Variants in KCNH1 observed in about 807,000 individuals in gnomAD.
KCNH1 encodes the protein voltage-gated delayed rectifier potassium channel KCNH1.
A neutral mutation model predicts 69.2 loss-of-function variants in KCNH1; 27 were observed. The observed-to-expected ratio is 0.39, with a 90% CI of 0.29 to 0.54. KCNH1 has a LOEUF of 0.54. Ranked by LOEUF, KCNH1 falls within the 20% of genes least tolerant of loss-of-function variation. The probability of loss-of-function intolerance (pLI) is 0.68; values close to 1 mark genes in which losing one functional copy is unlikely to be tolerated. For synonymous variants in KCNH1, 456 were observed against 487.7 expected (o/e 0.93, Z 0.86); for missense variants, 798 against 1,261.6 (o/e 0.63, Z 5.57).
chr1:210,868,424 A>G (rs1373547416), intron 7 of KCNH1, among the ~76,000 whole-genome samples: 1 of 116 alleles, frequency 8.6e-3, no homozygotes, highest in Non-Finnish European at 0.018. Context: ...AGTCTAATGT[A>G]TAATTTTTTC....
intron 10 of KCNH1, among the ~76,000 whole-genome samples, chr1:210,734,752 G>A (rs1682832092): frequency 1.3e-5 from 2 of 151,996 alleles, no homozygotes; most frequent in African/African-American, 4.8e-5. Context: ...CCTGCTCATG[G>A]GGCTTCCTAG....
At chr1:210,859,221 C>A (rs1341145760) in intron 7 of KCNH1, 17 of 1,612,310 alleles carry the variant, frequency 1.1e-5, no homozygotes, top group Non-Finnish European at 1.4e-5. Flanking sequence ...GAACTTGGCA[C>A]AACTGGAGCA....
At chr1:210,786,744 C>A (rs1684112041) in intron 9 of KCNH1, among the ~76,000 whole-genome samples, 1 of 152,216 alleles carries the variant, frequency 6.6e-6, no homozygotes, top group African/African-American at 2.4e-5. Flanking sequence ...GTCCTCCTTC[C>A]TGGGAAACCT....
At chr1:210,937,119 C>T (rs1687787531) in intron 6 of KCNH1, among the ~76,000 whole-genome samples, 1 of 152,182 alleles carries the variant, frequency 6.6e-6, no homozygotes, top group Admixed American at 6.6e-5. Context: ...ATATTCCTTC[C>T]TAAAACTATA....
At chr1:210,915,320 C>G (rs115710177) in intron 7 of KCNH1, among the ~76,000 whole-genome samples, 1,755 of 152,274 alleles carry the variant, frequency 0.012, 38 homozygotes, top group African/African-American at 0.04. Context: ...TCACCAAATC[C>G]TCAGCACTTA....
chr1:210,960,415 C>T (rs1307051808), intron 6 of KCNH1, among the ~76,000 whole-genome samples: 2 of 152,184 alleles, frequency 1.3e-5, no homozygotes, highest in Admixed American at 1.3e-4. Context: ...AATCTCCCAT[C>T]CTTCAGCATG....
Position 210,812,199 on chromosome 1 carries a change from T to C in KCNH1, c.1463-8033A>G, listed in dbSNP as rs181766003. On this transcript the variant is annotated intron_variant, in intron 7 of 10. Transcript: ENST00000271751. ...CAGCCAAGGCTGATTGGATTATTCATTGATCACCTTTTCTGGAATAAGGAT... is the reference window on the plus strand; with the variant it reads ...CAGCCAAGGCTGATTGGATTATTCACTGATCACCTTTTCTGGAATAAGGAT... 1.4e-4 allele frequency among the ~76,000 whole-genome samples: 21 copies of C among 152,316 alleles called. No homozygotes were observed. The East Asian group carries it at 3.7e-3, about 27-fold the overall frequency.
At chr1:210,940,094 G>C (rs2102586718) in intron 6 of KCNH1, among the ~76,000 whole-genome samples, 1 of 152,230 alleles carries the variant, frequency 6.6e-6, no homozygotes, top group South Asian at 2.1e-4. Flanking sequence ...GGAATAAATT[G>C]GCTTATCAGA....
intron 6 of KCNH1, among the ~76,000 whole-genome samples, chr1:210,970,643 A>ACTTT (rs1214387954): frequency 1.3e-5 from 2 of 152,234 alleles, no homozygotes; most frequent in African/African-American, 4.8e-5. Context: ...TTAACTCAAA[A>ACTTT]TGGATTAAAG....
chr1:210,959,192 A>T (rs1688248198), intron 6 of KCNH1, among the ~76,000 whole-genome samples: 1 of 151,978 alleles, frequency 6.6e-6, no homozygotes, highest in African/African-American at 2.4e-5. Context: ...GGTCTGTTGG[A>T]GCTTGCTGGA....
chr1:211,034,986 T>C (rs1689867971), intron 5 of KCNH1, among the ~76,000 whole-genome samples: 1 of 152,224 alleles, frequency 6.6e-6, no homozygotes, highest in Non-Finnish European at 1.5e-5. Flanking sequence ...TTTCCCATTC[T>C]GATTCTTTCT....
intron 6 of KCNH1, among the ~76,000 whole-genome samples, chr1:210,931,455 G>A (rs1687678822): frequency 6.6e-6 from 1 of 152,100 alleles, no homozygotes; most frequent in African/African-American, 2.4e-5. Context: ...TCACATGTGG[G>A]AGCTAAACTA....
At chr1:210,852,207 G>T (rs2102468224) in intron 7 of KCNH1, among the ~76,000 whole-genome samples, 1 of 152,324 alleles carries the variant, frequency 6.6e-6, no homozygotes, top group South Asian at 2.1e-4. Flanking sequence ...TGGAGAAGGG[G>T]GATTCCAGGC....
At chr1:211,017,196 C>T (rs1366982179) in intron 6 of KCNH1, among the ~76,000 whole-genome samples, 3 of 152,162 alleles carry the variant, frequency 2.0e-5, no homozygotes, top group African/African-American at 7.2e-5. Flanking sequence ...AGCTACCCTT[C>T]ACTGGAAAGA....
At chr1:210,907,095 A>T (rs2102543885) in intron 7 of KCNH1, among the ~76,000 whole-genome samples, 1 of 152,318 alleles carries the variant, frequency 6.6e-6, no homozygotes, top group South Asian at 2.1e-4. Context: ...AATCAACCAT[A>T]AATTTAAAAT....
chr1:210,882,392 T>C (rs1686514824), intron 7 of KCNH1, among the ~76,000 whole-genome samples: 2 of 151,960 alleles, frequency 1.3e-5, no homozygotes, highest in South Asian at 4.1e-4. Context: ...GGAGAGAATA[T>C]CAGGATAGCT....
At chr1:211,000,501 T>C (rs1028549610) in intron 6 of KCNH1, among the ~76,000 whole-genome samples, 10 of 151,938 alleles carry the variant, frequency 6.6e-5, no homozygotes, top group Admixed American at 4.6e-4. Flanking sequence ...CACTGCTCAA[T>C]GAAATAAAAG....
chr1:210,749,056 C>T (rs1212854987), intron 10 of KCNH1, among the ~76,000 whole-genome samples: 1 of 152,334 alleles, frequency 6.6e-6, no homozygotes, highest in South Asian at 2.1e-4. Flanking sequence ...CCAGGCTCTC[C>T]TGCTTTCGGT....
rs576372671 is a variant in KCNH1 at position 210,712,391 on chromosome 1, TCC to T, written c.2113-28255_2113-28254del. Among the ~76,000 whole-genome samples the T allele has an allele frequency of 2.0e-5, 3 of 152,260 alleles. No homozygotes were observed. In the East Asian group the frequency reaches 5.8e-4, roughly 29 times the overall value. On this transcript the variant is annotated intron_variant, in intron 10 of 10. Coordinates refer to ENST00000271751, the MANE Select transcript of KCNH1 (RefSeq NM_172362.3). ...ACTTCCTGGTACTTGAAATAAAAAC[TCC>T]GCCTGCTTCAGGGCTGGCAGGGAGA...
Sources: gnomAD v4.1 joint callset for allele counts (sites outside exome capture counted in the v4.1 genomes callset) on GRCh38, gnomAD v4.1.1 for gene constraint, MANE v1.5 for transcripts, NCBI Gene and HGNC (gene_info 2026-07-23, HGNC 2026-07-21) for gene names.